The following ANK3 variants were observed in gnomAD, a reference collection of about 807,000 sequenced individuals.
ANK3 encodes the protein ankyrin-3.
A neutral mutation model predicts 370.9 loss-of-function variants in ANK3; 57 were observed. The ratio of observed to expected loss-of-function variants is 0.15; its 90% confidence interval spans 0.12 to 0.19. The LOEUF is 0.19. Among genes scored for constraint, ANK3 ranks in the 10% least tolerant of loss-of-function variants. The pLI, the probability that ANK3 is intolerant of heterozygous loss-of-function variation, is 1.00. For missense variants in ANK3, 4,439 were observed against 5,302.1 expected (o/e 0.84, Z 5.06); for synonymous variants, 1,929 against 1,946.3 (o/e 0.99, Z 0.23).
At chr10:60,677,114 A>G (rs1409727339) in intron 1 of ANK3, among the ~76,000 whole-genome samples, 3 of 152,188 alleles carry the variant, frequency 2.0e-5, no homozygotes, top group Non-Finnish European at 2.9e-5. Flanking sequence ...CCCAGAGCAG[A>G]GGGTGGCCAA....
In ANK3 at chr10:60,037,703, A is replaced by T. The variant is rs1272721321; in HGVS notation, c.*19+4969T>A. 2.0e-5 allele frequency among the ~76,000 whole-genome samples: 3 copies of T among 152,104 alleles called. No individual in the cohort carries two copies. The East Asian group carries it at 5.8e-4, about 29-fold the overall frequency. Reference sequence around the variant, plus strand: ...TTTATCCAGTCTACCATTGATGGGCATTTAGGTTGATTCCATTCTTTGCTA... The same window carrying T: ...TTTATCCAGTCTACCATTGATGGGCTTTTAGGTTGATTCCATTCTTTGCTA... On this transcript the variant is annotated intron_variant, in intron 43 of 43. Coordinates refer to ENST00000280772, the MANE Select transcript of ANK3 (RefSeq NM_020987.5).
At chr10:60,437,789 T>C (rs1218238926) in intron 2 of ANK3, among the ~76,000 whole-genome samples, 1 of 152,148 alleles carries the variant, frequency 6.6e-6, no homozygotes, top group Non-Finnish European at 1.5e-5. Flanking sequence ...TTCACCCTAA[T>C]TGTCCTGTCA....
chr10:60,475,963 A>C (rs1402621941), intron 2 of ANK3, among the ~76,000 whole-genome samples: 2 of 152,256 alleles, frequency 1.3e-5, no homozygotes, highest in East Asian at 3.8e-4. Context: ...ATCTCTAACC[A>C]ATGTACAAAA....
intron 2 of ANK3, among the ~76,000 whole-genome samples, chr10:60,564,501 A>G (rs546136988): frequency 3.3e-5 from 5 of 152,342 alleles, no homozygotes; most frequent in African/African-American, 1.2e-4. Context: ...GTCTGCCAGC[A>G]CACCACCAAC....
chr10:60,131,839 TC>T (rs1379630316), intron 25 of ANK3, among the ~76,000 whole-genome samples: 1 of 152,100 alleles, frequency 6.6e-6, no homozygotes, highest in Non-Finnish European at 1.5e-5. Context: ...TGGTGGTGGT[TC>T]CAATTTCGGG....
intron 1 of ANK3, among the ~76,000 whole-genome samples, chr10:60,319,836 A>C (rs1411249065): frequency 6.6e-6 from 1 of 152,210 alleles, no homozygotes; most frequent in Non-Finnish European, 1.5e-5. Context: ...ATGCCTCTTC[A>C]CCACTGATTA....
At chr10:60,126,079 T>C (rs939992676) in intron 25 of ANK3, among the ~76,000 whole-genome samples, 1 of 152,134 alleles carries the variant, frequency 6.6e-6, no homozygotes, top group Non-Finnish European at 1.5e-5. Flanking sequence ...CAGAATTTTC[T>C]CCACAGTCAG....
chr10:60,724,103 G>T (rs1315403820), intron 1 of ANK3, among the ~76,000 whole-genome samples: 2 of 130,338 alleles, frequency 1.5e-5, no homozygotes, highest in East Asian at 4.7e-4. Flanking sequence ...CCAGCTACTC[G>T]GGAGGCTGAG....
At chr10:60,135,862 A>G (rs1407462680) in intron 24 of ANK3, among the ~76,000 whole-genome samples, 1 of 152,148 alleles carries the variant, frequency 6.6e-6, no homozygotes, top group Non-Finnish European at 1.5e-5. Flanking sequence ...ATAGGTACGT[A>G]CATTCTTCTA....
chr10:60,469,073 A>ATATATATATATACCACTTTTAG (rs2065095772), intron 2 of ANK3, among the ~76,000 whole-genome samples: 3 of 22,436 alleles, frequency 1.3e-4, no homozygotes, highest in African/African-American at 3.2e-4. Context: ...TAGTATATAT[A>ATATATATATATACCACTTTTAG]TATATATATA....
At chr10:60,390,544 T>C (rs1284666739), upstream of ANK3, among the ~76,000 whole-genome samples, 1 of 152,110 alleles carries the variant, frequency 6.6e-6, no homozygotes, top group East Asian at 1.9e-4. Context: ...TTATGTGAAG[T>C]GAAGCAGCAG....
intron 2 of ANK3, among the ~76,000 whole-genome samples, chr10:60,479,506 G>C (rs2075156586): frequency 6.6e-6 from 1 of 152,092 alleles, no homozygotes; most frequent in Non-Finnish European, 1.5e-5. Flanking sequence ...ATTGTTAAGT[G>C]ACACATGACT....
chr10:60,689,656 G>T (rs192563922), intron 1 of ANK3, among the ~76,000 whole-genome samples: 25 of 151,670 alleles, frequency 1.6e-4, no homozygotes, highest in African/African-American at 6.0e-4. Flanking sequence ...GGAAGCTGAG[G>T]CAGGAGAATC....
At chr10:60,597,259 C>G (rs1255912254) in intron 2 of ANK3, among the ~76,000 whole-genome samples, 2 of 152,112 alleles carry the variant, frequency 1.3e-5, no homozygotes, top group African/African-American at 4.8e-5. Flanking sequence ...CATGTTCTTT[C>G]TTCTTTTGAT....
intron 32 of ANK3, chr10:60,084,241 C>T (rs909693599): frequency 1.3e-5 from 2 of 155,140 alleles, no homozygotes; most frequent in Non-Finnish European, 2.8e-5. Flanking sequence ...CCCATCTCTA[C>T]TGAAAATACA....
chr10:60,520,940 T>G (rs1352985923), intron 2 of ANK3, among the ~76,000 whole-genome samples: 1 of 57,738 alleles, frequency 1.7e-5, no homozygotes, highest in Non-Finnish European at 4.4e-5. Context: ...TTTGTCTTAG[T>G]TTTTTTTTTA....
rs373442004 is a variant in ANK3 at position 60,726,766 on chromosome 10, C to T, written c.57+6497G>A. On this transcript the variant is annotated intron_variant, in intron 1 of 43. Coordinates refer to the ANK3 transcript ENST00000373827. The stretch of plus-strand genomic sequence containing the variant: ...AATAAACAAAATTCACTGAATTGAG[C>T]GCTTTAGATGGGTGAATTCTATGGT... 1.3e-4 allele frequency among the ~76,000 whole-genome samples: 20 copies of T among 151,946 alleles called. No homozygotes were observed. In the East Asian group the frequency reaches 1.4e-3, roughly 10 times the overall value.
intron 5 of ANK3, among the ~76,000 whole-genome samples, chr10:60,267,199 C>A (rs1173771653): frequency 6.6e-6 from 1 of 151,974 alleles, no homozygotes; most frequent in African/African-American, 2.4e-5. Context: ...TTTAATTGCC[C>A]CCTACTGTTT....
chr10:60,259,349 C>G (rs2097774164), intron 7 of ANK3, among the ~76,000 whole-genome samples: 1 of 152,168 alleles, frequency 6.6e-6, no homozygotes, highest in African/African-American at 2.4e-5. Context: ...TAAATAAAAT[C>G]AAATTCCACC....
Sources: allele counts gnomAD v4.1 joint callset (sites outside exome capture counted in the v4.1 genomes callset), GRCh38; gene constraint gnomAD v4.1.1; transcripts MANE v1.5; gene names NCBI Gene and HGNC (gene_info 2026-07-23, HGNC 2026-07-21).